PLXNB2: variants seen among roughly 807,000 people sequenced by gnomAD.
PLXNB2 encodes plexin-B2.
PLXNB2 carries 85 observed loss-of-function variants against 202.6 expected under a neutral mutation model. The ratio of observed to expected loss-of-function variants is 0.42; its 90% CI spans 0.35 to 0.50. The LOEUF (loss-of-function observed/expected upper bound fraction) is 0.50. PLXNB2 is among the 20% of genes least tolerant of loss of function. The pLI is 0.02. For synonymous variants in PLXNB2, 1,239 were observed against 1,137.6 expected (o/e 1.09, Z -1.79); for missense variants, 2,063 against 2,586.2 (o/e 0.80, Z 4.39).
chr22:50,306,368 T>C (rs1405461326), intron 1 of PLXNB2, among the ~76,000 whole-genome samples: 1 of 152,152 alleles, frequency 6.6e-6, no homozygotes, highest in Non-Finnish European at 1.5e-5. Context: ...CACAAACCTA[T>C]GCCTGCTGGC....
chr22:50,282,309 C>T lies in PLXNB2; in HGVS notation c.2992G>A (p.Gly998Ser). The T allele has an allele frequency of 1.2e-6, 2 of 1,608,790 alleles. No homozygotes were observed. The highest frequency in any genetic ancestry group is 1.7e-6 in the Non-Finnish European group (2 of 1,177,982). The change falls in exon 19 of 37, where the codon GGC becomes AGC. Residue 998 changes from glycine to serine, a missense_variant. This residue lies in a region of PLXNB2 where 1,303 missense variants were observed against 1,476.8 expected (regional missense o/e 0.88). Coordinates refer to ENST00000359337, the MANE Select transcript of PLXNB2 (RefSeq NM_012401.4). The stretch of plus-strand genomic sequence containing the variant: ...TGACCCGTGACGTTGATGCTGCGGC[C>T]ACCACTGCGGAGGGCAGTGCCTTCG... Reference protein sequence around the residue: ...FEPLRSFASGGRSINVTGQGF... With the variant: ...FEPLRSFASGSRSINVTGQGF...
rs369882286 is a variant in PLXNB2 at position 50,289,742 on chromosome 22, G to A, written c.843C>T (p.Ala281=). Residue 281 remains alanine (A), a synonymous_variant, in exon 3 of 37, where the codon GCC becomes GCT. Transcript: ENST00000359337. This position sits in a 1 kb window ranked among gnomAD's most constrained non-coding sequence, Gnocchi z 8.0. ...CAGAGCCAGGCGCAGCCACGGAGGC[G>A]GCCAGGCAGGTGCCAAAGGCAGCGG... is the stretch of plus-strand genomic sequence containing the variant. ...IHAAAFGTCL[A]ASVAAPGSGR... is the part of the protein sequence containing the mutation. 28 of 1,612,520 alleles carry A rather than the reference G, an allele frequency of 1.7e-5. No homozygotes were observed. The highest frequency in any genetic ancestry group is 1.0e-4 in the Admixed American group (6 of 60,018).
chr22:50,306,865 T>C (rs1220745631), intron 1 of PLXNB2, among the ~76,000 whole-genome samples: 1 of 152,186 alleles, frequency 6.6e-6, no homozygotes, highest in Non-Finnish European at 1.5e-5. Context: ...GACCCCCAGA[T>C]GACAGGGGGA....
In PLXNB2 at chr22:50,281,150, G is replaced by C; in HGVS notation, c.3702C>G (p.Ile1234Met). 6.2e-7 allele frequency: 1 copy of C among 1,613,248 alleles called. No homozygotes were observed. The highest frequency in any genetic ancestry group is 8.5e-7 in the Non-Finnish European group (1 of 1,179,926). Residue 1234 changes from isoleucine (I) to methionine (M), a missense_variant, in exon 23 of 37, where the codon ATC becomes ATG. Transcript: ENST00000359337. ...CCTCCAGGCCCTCCAGCTGGGACTT[G>C]ATCTTCTCATACTCTCGTTCGGCCT... ...SQQAEREYEK[I>M]KSQLEGLEES...
At chr22:50,306,050 T>G (rs1569187557) in intron 1 of PLXNB2, among the ~76,000 whole-genome samples, 1 of 152,220 alleles carries the variant, frequency 6.6e-6, no homozygotes, top group African/African-American at 2.4e-5. Flanking sequence ...CGGAAGTGGA[T>G]CCTTCTCCCA....
At position 50,288,989 on chromosome 22, in the gene PLXNB2, G is replaced by A. The variant is rs779639547; in HGVS notation, c.1222C>T (p.Leu408=). The A allele has an allele frequency of 1.2e-6, 2 of 1,609,706 alleles. No individual in the cohort carries two copies. Among genetic ancestry groups the A allele is most frequent in the East Asian group, 2.2e-5 (1 of 44,754 alleles). The change falls in exon 4 of 37, where the codon CTG becomes TTG. Residue 408 remains leucine (L), a synonymous_variant. Transcript: ENST00000359337. This position sits in a 1 kb window ranked among gnomAD's most constrained non-coding sequence, Gnocchi z 5.0. ...AAENNHTVAF[L]GTSDGRILKV... Reference sequence around the variant, plus strand: ...AGGATCCGGCCATCAGAGGTGCCCAGAAAAGCAACAGTGTGGTTGTTCTCG... The same window carrying A: ...AGGATCCGGCCATCAGAGGTGCCCAAAAAAGCAACAGTGTGGTTGTTCTCG...
chr22:50,290,083 GCACGCGGTCACCAC>G lies in PLXNB2; in HGVS notation c.488_501del (p.Gly163AlafsTer25). On this transcript the variant is annotated frameshift_variant, in exon 3 of 37. Transcript: ENST00000359337. LOFTEE classifies it high-confidence loss of function. ...GGCCCATTGCCTTTGCCCACAAACA[GCACGCGGTCACCAC>G]CAGGACCCGTGGAGCTCACCAGCCC... The G allele has an allele frequency of 6.2e-7, 1 of 1,613,246 alleles. No homozygotes were observed. The highest frequency in any genetic ancestry group is 8.5e-7 in the Non-Finnish European group (1 of 1,180,016).
In PLXNB2 at chr22:50,303,712, G is replaced by A. The variant is rs533238930; in HGVS notation, c.-74+3841C>T. ...TCTCCACACAGGGCCCCCCATGGAA[G>A]CTGCTGACCAGCTGTGCCAGAGGGG... On this transcript the variant is annotated intron_variant, in intron 1 of 36. Coordinates refer to ENST00000359337, the MANE Select transcript of PLXNB2 (RefSeq NM_012401.4). Among the ~76,000 whole-genome samples, 4 of 152,374 alleles carry A rather than the reference G, an allele frequency of 2.6e-5. No homozygotes were observed. In the South Asian group the frequency reaches 8.3e-4, roughly 32 times the overall value.
rs187332808 is a variant in PLXNB2, at chr22:50,277,946, G to A, written c.4955C>T (p.Pro1652Leu). The A allele has an allele frequency of 3.5e-4, 567 of 1,613,020 alleles. No homozygotes were observed. Among genetic ancestry groups the A allele is most frequent in the Non-Finnish European group, 4.7e-4 (552 of 1,179,780 alleles). Residue 1652 changes from proline to leucine, a missense_variant, in exon 32 of 37, where the codon CCT becomes CTT. Physicochemically the swap from Pro to Leu is moderately conservative, Grantham distance 98. Transcript: ENST00000359337. ...SVLAPGHAVP[P>L]AVKYFFDFLD... The stretch of plus-strand genomic sequence containing the variant: ...GAAGTCGAAGAAGTACTTGACTGCA[G>A]GTGGCACCGCGTGCCCAGGCGCCAG...
Position 50,280,610 on chromosome 22 carries a change from A to T in PLXNB2, c.4054T>A (p.Ser1352Thr). Reference sequence around the variant, plus strand: ...CCGTGCAGCGCCACCGTCAGCAGGGACGCGAAGTAGACCTTGGCGCGGGCC... The same window carrying T: ...CCGTGCAGCGCCACCGTCAGCAGGGTCGCGAAGTAGACCTTGGCGCGGGCC... ...FSARAKVYFASLLTVALHGKL... is the reference protein window; with the variant it reads ...FSARAKVYFATLLTVALHGKL... The change falls in exon 25 of 37, where the codon TCC (serine) becomes ACC (threonine). Residue 1352 changes from serine (S) to threonine (T), a missense_variant. This residue lies in a region of PLXNB2 where 760 missense variants were observed against 1,109.4 expected (regional missense o/e 0.69). Coordinates refer to ENST00000359337, the MANE Select transcript of PLXNB2 (RefSeq NM_012401.4). 1.2e-6 allele frequency: 2 copies of T among 1,612,730 alleles called. No individual in the cohort carries two copies. Among genetic ancestry groups the T allele is most frequent in the Non-Finnish European group, 1.7e-6 (2 of 1,179,894 alleles).
At chr22:50,278,382 T>A in intron 30 of PLXNB2, 53 bp downstream of exon 30, 1 of 1,558,056 alleles carries the variant, frequency 6.4e-7, no homozygotes, top group Non-Finnish European at 8.7e-7. Context: ...GCAGACATGG[T>A]CCACGCTGAC....
intron 1 of PLXNB2, among the ~76,000 whole-genome samples, chr22:50,306,173 C>G (rs1228780783): frequency 6.6e-6 from 1 of 152,176 alleles, no homozygotes; most frequent in African/African-American, 2.4e-5. Flanking sequence ...CCTTGTTTTT[C>G]TCAGTAACTT....
rs1319865657 is a variant in PLXNB2 at position 50,275,173 on chromosome 22, G to A, written c.*531C>T. On this transcript the variant is annotated 3_prime_UTR_variant, in exon 37 of 37. Coordinates refer to ENST00000359337, the MANE Select transcript of PLXNB2 (RefSeq NM_012401.4). ...ACGTCTCACTTGACCTTTGACGTGG[G>A]GCCCAGCAGCCGTGAGTCCACCCAG... The A allele has an allele frequency of 1.3e-5, 4 of 310,838 alleles. No individual in the cohort carries two copies. The highest frequency in any genetic ancestry group is 2.5e-5 in the Non-Finnish European group (4 of 157,694). The allele number at this position is 310,838 out of a possible 1,614,324, so 19.3% of individuals were successfully genotyped here.
rs759439955 is a variant in PLXNB2 at position 50,281,365 on chromosome 22, G to C, written c.3657C>G (p.Cys1219Trp). 6.2e-7 allele frequency: 1 copy of C among 1,612,056 alleles called. No homozygotes were observed. ...CAGCCGGGGGGCGGGCTCACCAGTA[G>C]CAGTAGACAGACACCGCGATGACGA... The part of the protein sequence containing the change: ...MVVVIAVSVY[C>W]YWRKSQQAER... Residue 1219 changes from cysteine (C) to tryptophan (W), a missense_variant, in exon 22 of 37, where the codon TGC becomes TGG. Coordinates refer to ENST00000359337, the MANE Select transcript of PLXNB2 (RefSeq NM_012401.4).
Position 50,275,882 on chromosome 22 carries a change from A to G in PLXNB2, c.5412+7T>C. On this transcript the variant is annotated splice_region_variant and intron_variant, in intron 36 of 36. Coordinates refer to ENST00000359337, the MANE Select transcript of PLXNB2 (RefSeq NM_012401.4). ...ACCTGCCCCCGCCCCCGGGGGCCTG[A>G]CCCTACCTCGTCATAGTACTTCTGC... 6.2e-7 allele frequency: 1 copy of G among 1,612,124 alleles called. No individual in the cohort carries two copies. Among genetic ancestry groups the G allele is most frequent in the South Asian group, 1.1e-5 (1 of 91,084 alleles).
chr22:50,294,465 C>T (rs1209399129), intron 2 of PLXNB2, among the ~76,000 whole-genome samples: 1 of 152,170 alleles, frequency 6.6e-6, no homozygotes, highest in Non-Finnish European at 1.5e-5. Flanking sequence ...CAGACCACTC[C>T]ACCTGAGCAA....
Position 50,283,694 on chromosome 22 carries a change from G to C in PLXNB2, c.2478C>G (p.Ser826=). ...TGTCCCCTGCTTGGACGCCCAAATT[G>C]GACCCCAGGATGGTGATGCGGATGC... ...GGGIRITILG[S]NLGVQAGDIQ... is the part of the protein sequence containing the mutation. Residue 826 remains serine (S), a synonymous_variant, in exon 15 of 37, where the codon TCC becomes TCG. Transcript: ENST00000359337. The C allele has an allele frequency of 3.1e-6, 5 of 1,613,104 alleles. No homozygotes were observed. The highest frequency in any genetic ancestry group is 4.2e-6 in the Non-Finnish European group (5 of 1,179,936).
chr22:50,278,398 G>A (rs2065761834), intron 30 of PLXNB2, 37 bp downstream of exon 30: 2 of 1,559,554 alleles, frequency 1.3e-6, no homozygotes, highest in Non-Finnish European at 1.7e-6. Context: ...CTGACCACCA[G>A]GGGCTGGAAG....
chr22:50,275,067 C>T lies in PLXNB2; in HGVS notation c.*637G>A, dbSNP rs73891204. On this transcript the variant is annotated 3_prime_UTR_variant, in exon 37 of 37. Coordinates refer to ENST00000359337, the MANE Select transcript of PLXNB2 (RefSeq NM_012401.4). ...GTCTTGGAACTGCTCCCAGTCCCCC[C>T]GGACTGGGTGGGGCTCTAGGGCAGC... 0.057 allele frequency: 11,260 copies of T among 196,416 alleles called. 1,374 individuals are homozygous for T. The highest frequency in any genetic ancestry group is 0.26 in the African/African-American group (10,650 of 41,748). 12.2% of individuals were successfully genotyped at this position (196,416 alleles called of 1,614,324 possible).
Sources: allele counts gnomAD v4.1 joint callset (sites outside exome capture counted in the v4.1 genomes callset), GRCh38; gene constraint gnomAD v4.1.1; regional missense constraint gnomAD v4.1.1; non-coding constraint Gnocchi (gnomAD v3.1); transcripts MANE v1.5; gene names NCBI Gene and HGNC (gene_info 2026-07-23, HGNC 2026-07-21).